Variants in MCPH1 observed in about 807,000 individuals in gnomAD.
MCPH1 encodes microcephalin 1, also known as microcephalin.
MCPH1 carries 104 observed loss-of-function variants against 84.5 expected under a neutral mutation model. That is an observed-to-expected ratio of 1.23 (90% CI 1.05 to 1.45). MCPH1 has a LOEUF of 1.45. MCPH1 is among the 40% of genes most tolerant of loss of function. The pLI, the probability that MCPH1 is intolerant of heterozygous loss-of-function variation, is 0.00. For synonymous variants in MCPH1, 514 were observed against 366.8 expected, an observed-to-expected ratio of 1.40 and a Z score of -4.58; for missense variants, 1,498 against 1,005.7, an observed-to-expected ratio of 1.49 and a Z score of -6.62.
intron 8 of MCPH1, among the ~76,000 whole-genome samples, chr8:6,453,440 G>T (rs1805313171): frequency 6.7e-6 from 1 of 148,640 alleles, no homozygotes; most frequent in South Asian, 2.2e-4. Context: ...TTAAAAGATT[G>T]TGTTGCATTT....
At chr8:6,520,402 C>A (rs1045803128) in intron 12 of MCPH1, among the ~76,000 whole-genome samples, 3 of 152,118 alleles carry the variant, frequency 2.0e-5, no homozygotes, top group Non-Finnish European at 4.4e-5. Flanking sequence ...ATCATGACCC[C>A]ATTGCCTGCC....
rs961034926 is a variant in MCPH1 at position 6,648,307 on chromosome 8, A to AT, written c.*5263dup. 6.6e-6 allele frequency: 1 copy of AT among 152,128 alleles called. No individual in the cohort carries two copies. The highest frequency in any genetic ancestry group is 1.5e-5 in the Non-Finnish European group (1 of 68,082). 9.4% of individuals were successfully genotyped at this position (152,128 alleles called of 1,614,324 possible). ...CCTGAGCCTGCTTCTACCCACTTTT[A>AT]TTTTTCCCAGGAGTCACGCTTAGTC... On this transcript the variant is annotated 3_prime_UTR_variant, in exon 14 of 14. Transcript: ENST00000344683.
chr8:6,475,366 A>G lies in MCPH1; in HGVS notation c.1936-2228A>G, dbSNP rs543224499. ...CAGTATCAGGCATTCCTCTCATGGG[A>G]GATGTGCTTATCCTGGCAGACGCCC... On this transcript the variant is annotated intron_variant, in intron 9 of 13. Transcript: ENST00000344683. Among the ~76,000 whole-genome samples the G allele has an allele frequency of 3.3e-5, 5 of 152,270 alleles. No homozygotes were observed. The East Asian group carries it at 5.8e-4, about 18-fold the overall frequency.
intron 12 of MCPH1, among the ~76,000 whole-genome samples, chr8:6,585,593 T>A (rs1827911841): frequency 6.6e-6 from 1 of 152,256 alleles, no homozygotes; most frequent in Non-Finnish European, 1.5e-5. Flanking sequence ...TGTATTTGTT[T>A]TTCCCTCTAC....
chr8:6,526,094 T>C (rs1172820735), intron 12 of MCPH1, among the ~76,000 whole-genome samples: 2 of 151,910 alleles, frequency 1.3e-5, no homozygotes, highest in Non-Finnish European at 2.9e-5. Flanking sequence ...CACTGCAGCA[T>C]TTTGAAGAGA....
chr8:6,632,948 T>G lies in MCPH1; in HGVS notation c.2453-10046T>G, dbSNP rs74686213. ...AAGGATAAATGAATAGCATTAAGTC[T>G]TCTTTTTTCTAATCCATTAATTTTC... is the stretch of plus-strand genomic sequence containing the variant. On this transcript the variant is annotated intron_variant, in intron 13 of 13. Coordinates refer to ENST00000344683, the MANE Select transcript of MCPH1 (RefSeq NM_024596.5). 7.8e-3 allele frequency among the ~76,000 whole-genome samples: 1,194 copies of G among 152,302 alleles called. 13 individuals are homozygous for G. Among genetic ancestry groups the G allele is most frequent in the African/African-American group, 0.027 (1,127 of 41,556 alleles).
chr8:6,562,288 T>C (rs1825654194), intron 12 of MCPH1, among the ~76,000 whole-genome samples: 1 of 152,068 alleles, frequency 6.6e-6, no homozygotes, highest in Admixed American at 6.6e-5. Context: ...GCTGAGAGCC[T>C]CCCTGGTGAT....
At chr8:6,488,660 G>T (rs1018006783) in intron 11 of MCPH1, among the ~76,000 whole-genome samples, 1 of 152,160 alleles carries the variant, frequency 6.6e-6, no homozygotes, top group Non-Finnish European at 1.5e-5. Flanking sequence ...CTGAGGCACC[G>T]GGAGTGAGGA....
rs371310213 is a variant in MCPH1 at position 6,499,843 on chromosome 8, C to T, written c.2137-9C>T. 1.7e-5 allele frequency: 28 copies of T among 1,611,996 alleles called. No homozygotes were observed. The African/African-American group carries it at 2.8e-4, about 16-fold the overall frequency. ...TGTATAATAAATCTGCTTGTTGTGT[C>T]ACTTGCAGGTGCTATGGTCTTTAGA... is the stretch of plus-strand genomic sequence containing the variant. On this transcript the variant is annotated splice_polypyrimidine_tract_variant and intron_variant, in intron 11 of 13. Coordinates refer to ENST00000344683, the MANE Select transcript of MCPH1 (RefSeq NM_024596.5).
At chr8:6,563,796 T>C (rs530206016) in intron 12 of MCPH1, among the ~76,000 whole-genome samples, 2 of 152,286 alleles carry the variant, frequency 1.3e-5, no homozygotes, top group African/African-American at 4.8e-5. Flanking sequence ...TCCGAACAGT[T>C]GGATAGAAAG....
chr8:6,596,176 T>G (rs1052118664), intron 12 of MCPH1, among the ~76,000 whole-genome samples: 3 of 152,044 alleles, frequency 2.0e-5, no homozygotes, highest in Non-Finnish European at 2.9e-5. Context: ...ATGAAAGATA[T>G]GTTGATCATT....
chr8:6,509,859 T>C (rs2922907), intron 12 of MCPH1, among the ~76,000 whole-genome samples: 69,221 of 152,018 alleles, frequency 0.46, 16,175 homozygotes, highest in Middle Eastern at 0.53. Context: ...GTGCACGCAG[T>C]GTCTGTTGTT....
At chr8:6,564,193 G>T (rs1210303070) in intron 12 of MCPH1, among the ~76,000 whole-genome samples, 1 of 152,040 alleles carries the variant, frequency 6.6e-6, no homozygotes, top group Non-Finnish European at 1.5e-5. Context: ...TGTTAGGCTG[G>T]TCTCAAACTC....
chr8:6,639,093 C>T (rs975974290), intron 13 of MCPH1, among the ~76,000 whole-genome samples: 23 of 152,114 alleles, frequency 1.5e-4, no homozygotes, highest in African/African-American at 4.3e-4. Flanking sequence ...GTTTAAAGAT[C>T]GATACTTCTG....
chr8:6,613,789 C>G (rs770803247), intron 12 of MCPH1, among the ~76,000 whole-genome samples: 3 of 152,162 alleles, frequency 2.0e-5, no homozygotes, highest in Non-Finnish European at 4.4e-5. Flanking sequence ...GGGTGTGGAG[C>G]TGGCTTGTGG....
intron 12 of MCPH1, among the ~76,000 whole-genome samples, chr8:6,539,217 A>C (rs1821071629): frequency 6.6e-6 from 1 of 152,230 alleles, no homozygotes; most frequent in Non-Finnish European, 1.5e-5. Context: ...CCACAGTGAG[A>C]GGTGATGTTC....
chr8:6,420,285 G>C (rs926171574), intron 3 of MCPH1, among the ~76,000 whole-genome samples: 2 of 151,976 alleles, frequency 1.3e-5, no homozygotes, highest in Non-Finnish European at 2.9e-5. Context: ...CAGTTGTGCT[G>C]GGTGTCCTCT....
At chr8:6,618,210 G>C (rs1228374994) in intron 12 of MCPH1, among the ~76,000 whole-genome samples, 5 of 152,028 alleles carry the variant, frequency 3.3e-5, no homozygotes, top group African/African-American at 4.8e-5. Flanking sequence ...GTAACACACA[G>C]GCTCCTTGGC....
At position 6,431,556 on chromosome 8, in the gene MCPH1, T is replaced by C; in HGVS notation, c.291T>C (p.Asn97=). The C allele has an allele frequency of 6.2e-7, 1 of 1,613,142 alleles. No individual in the cohort carries two copies. The highest frequency in any genetic ancestry group is 8.5e-7 in the Non-Finnish European group (1 of 1,179,374). ...CATTGTTCCCTGCAGCTAATATGAATGAACACTTATCAAGCCTAATTAAAA... is the reference window on the plus strand; with the variant it reads ...CATTGTTCCCTGCAGCTAATATGAACGAACACTTATCAAGCCTAATTAAAA... ...DESLFPAANM[N]EHLSSLIKKK... Residue 97 remains asparagine (N), a synonymous_variant, in exon 4 of 14, where the codon AAT becomes AAC. Coordinates refer to ENST00000344683, the MANE Select transcript of MCPH1 (RefSeq NM_024596.5).
Sources: gnomAD v4.1 joint callset for allele counts (sites outside exome capture counted in the v4.1 genomes callset) on GRCh38, gnomAD v4.1.1 for gene constraint, MANE v1.5 for transcripts, NCBI Gene and HGNC (gene_info 2026-07-23, HGNC 2026-07-21) for gene names.